The following ANGEL2 variants were observed in gnomAD, a reference collection of about 807,000 sequenced individuals.
ANGEL2 encodes the protein RNA 2',3'-cyclic phosphatase ANGEL2.
In ANGEL2, 41 loss-of-function variants were observed where a neutral mutation model predicts 66.0. That is an observed-to-expected ratio of 0.62 (90% CI 0.48 to 0.81). ANGEL2 has a LOEUF of 0.81. Among genes scored for constraint, ANGEL2 ranks in the 30% least tolerant of loss-of-function variants. ANGEL2 has a pLI of 0.00. For synonymous variants in ANGEL2, 208 were observed against 226.5 expected (o/e 0.92, Z 0.73); for missense variants, 561 against 641.6 (o/e 0.87, Z 1.36).
intron 5 of ANGEL2, chr1:213,001,488 G>A (rs2076176696): frequency 6.6e-6 from 1 of 152,500 alleles, no homozygotes; most frequent in Admixed American, 6.5e-5. Context: ...TACAGGTGGA[G>A]GATCTTGCCT....
intron 8 of ANGEL2, among the ~76,000 whole-genome samples, chr1:212,996,761 A>C (rs1325366945): frequency 1.3e-5 from 2 of 150,248 alleles, no homozygotes; most frequent in African/African-American, 4.9e-5. Flanking sequence ...CCTCCAATGA[A>C]GGCAGGACGC....
intron 2 of ANGEL2, 145 bp downstream of exon 2, chr1:213,012,948 A>G: frequency 2.7e-6 from 2 of 733,228 alleles, no homozygotes. Context: ...GGAAGAATTC[A>G]TTTTTTTCTA....
chr1:213,000,296 A>T (rs750123379), intron 7 of ANGEL2, 30 bp downstream of exon 7: 81 of 1,584,898 alleles, frequency 5.1e-5, no homozygotes, highest in Non-Finnish European at 6.9e-5. Context: ...TAAAGTTAGC[A>T]AATGTCTCCT....
At chr1:212,996,640 A>AAAAATATATAT (rs56102625) in intron 8 of ANGEL2, among the ~76,000 whole-genome samples, 1 of 66,474 alleles carries the variant, frequency 1.5e-5, no homozygotes, top group African/African-American at 6.9e-5. Context: ...AAAAAAAAAA[A>AAAAATATATAT]ATATATATAT....
At chr1:213,015,574 G>GCC in intron 1 of ANGEL2, 39 bp downstream of exon 1, 1 of 1,058,036 alleles carries the variant, frequency 9.5e-7, no homozygotes, top group Non-Finnish European at 1.2e-6. Context: ...CAGGCCGCCC[G>GCC]CCCCTCTCTC....
intron 7 of ANGEL2, among the ~76,000 whole-genome samples, chr1:212,998,131 CTG>C (rs2076075622): frequency 2.0e-5 from 3 of 151,874 alleles, no homozygotes; most frequent in African/African-American, 7.3e-5. Flanking sequence ...TGGCTCACAC[CTG>C]TAATCCCAGC....
Position 213,013,234 on chromosome 1 carries a change from AG to A in ANGEL2, c.243del (p.Cys82ValfsTer19). On this transcript the variant is annotated frameshift_variant, in exon 2 of 9. Coordinates refer to ENST00000366962, the MANE Select transcript of ANGEL2 (RefSeq NM_144567.5). LOFTEE classifies it high-confidence loss of function. Reference protein sequence around the residue: ...SRHFSLNWRPPCLFESRTQFQ... With the variant: ...SRHFSLNWRPXCLFESRTQFQ... ...AACTGAGTTCTAGACTCAAACAAACAGGGTGGTCTCCAATTTAGTGAAAAAT... is the reference window on the plus strand; with the variant it reads ...AACTGAGTTCTAGACTCAAACAAACAGGTGGTCTCCAATTTAGTGAAAAAT... 3 of 1,614,182 alleles carry A rather than the reference AG, an allele frequency of 1.9e-6. No homozygotes were observed. The highest frequency in any genetic ancestry group is 2.5e-6 in the Non-Finnish European group (3 of 1,180,024).
At chr1:213,006,805 A>G (rs1036029455) in intron 4 of ANGEL2, 3 of 267,586 alleles carry the variant, frequency 1.1e-5, no homozygotes, top group Admixed American at 1.1e-4. Flanking sequence ...CTTTGAAATT[A>G]AGTTTTTAAA....
At chr1:213,015,178 C>T (rs980588787) in intron 1 of ANGEL2, 1 of 1,020,722 alleles carries the variant, frequency 9.8e-7, no homozygotes, top group Non-Finnish European at 1.2e-6. Flanking sequence ...CCCTCCTGGG[C>T]GTGTGCCACA....
Position 213,005,222 on chromosome 1 carries a change from T to G in ANGEL2, c.945A>C (p.Pro315=). 6.2e-7 allele frequency: 1 copy of G among 1,614,244 alleles called. No homozygotes were observed. The highest frequency in any genetic ancestry group is 8.5e-7 in the Non-Finnish European group (1 of 1,180,052). The change falls in exon 5 of 9, where the codon CCA becomes CCC. Residue 315 remains proline, a synonymous_variant. Coordinates refer to ENST00000366962, the MANE Select transcript of ANGEL2 (RefSeq NM_144567.5). The part of the protein sequence containing the change: ...CVANTHLLYN[P]RRGDIKLTQL... ...GCGTCAGCTTAATATCACCTCGCCT[T>G]GGATTATACAACAGATGCGTATTTG...
intron 1 of ANGEL2, 39 bp downstream of exon 1, chr1:213,015,574 G>A (rs919151889): frequency 3.8e-6 from 4 of 1,057,994 alleles, no homozygotes; most frequent in East Asian, 9.7e-5. Context: ...CAGGCCGCCC[G>A]CCCCTCTCTC....
chr1:213,006,362 C>G (rs1020115241), intron 4 of ANGEL2, among the ~76,000 whole-genome samples: 2 of 151,062 alleles, frequency 1.3e-5, no homozygotes, highest in Admixed American at 1.3e-4. Flanking sequence ...TACTAGGGAG[C>G]CTGAGGCAGG....
rs1381652129 is a variant in ANGEL2, at chr1:213,015,620, T to C, written c.52A>G (p.Arg18Gly). 4 of 1,597,350 alleles carry C rather than the reference T, an allele frequency of 2.5e-6. No individual in the cohort carries two copies. Among genetic ancestry groups the C allele is most frequent in the Non-Finnish European group, 2.6e-6 (3 of 1,169,866 alleles). Residue 18 changes from arginine to glycine, a missense_variant, in exon 1 of 9, where the codon AGA (arginine) becomes GGA (glycine). Transcript: ENST00000366962. ...RKGYGHCVVG[R>G]GRYPMFPHHS... ...GTACCCAGCCCTACTGACCGGCCTC[T>C]TCCCACCACACAGTGGCCGTAGCCC... is the stretch of plus-strand genomic sequence containing the variant.
rs953667455 is a variant in ANGEL2 at position 213,011,448 on chromosome 1, A to G, written c.385+1645T>C. On this transcript the variant is annotated intron_variant, in intron 2 of 8. Coordinates refer to ENST00000366962, the MANE Select transcript of ANGEL2 (RefSeq NM_144567.5). The stretch of plus-strand genomic sequence containing the variant: ...TGGCTTAACGAAGAGCATTTTCCTT[A>G]TTCACAACACCTAGGAAGAATGGAC... The G allele has an allele frequency of 4.2e-5, 48 of 1,132,484 alleles. 1 individual carries two copies. In the Middle Eastern group the frequency reaches 1.6e-3, roughly 37 times the overall value. 70.2% of individuals were successfully genotyped at this position (1,132,484 alleles called of 1,614,324 possible). A position where few individuals can be genotyped will look rare whatever the true frequency, so the allele number is the denominator to read the frequency against.
Position 213,005,365 on chromosome 1 carries a change from C to A in ANGEL2, c.802G>T (p.Val268Leu). The A allele has an allele frequency of 6.2e-7, 1 of 1,614,226 alleles. No individual in the cohort carries two copies. The highest frequency in any genetic ancestry group is 8.5e-7 in the Non-Finnish European group (1 of 1,180,036). ...GGGCGGAAGAATTCCACTGGGTTCA[C>A]TGACAAGAGTGAAAATTTGGAATGT... is the stretch of plus-strand genomic sequence containing the variant. ...FKHSKFSLLS[V>L]NPVEFFRPDI... The change falls in exon 5 of 9, where the codon GTG (valine) becomes TTG (leucine). Residue 268 changes from valine (V) to leucine (L), a missense_variant. Transcript: ENST00000366962.
rs758029755 is a variant in ANGEL2 at position 212,995,150 on chromosome 1, C to T, written c.1526G>A (p.Arg509Lys). ...GTCTTGTTCTGTAAGAAGTGACAGT[C>T]TAGCTAGAAGTTTCAAGCCACCAAC... ...ALVGGLKLLA[R>K]LSLLTEQDLW... Residue 509 changes from arginine (R) to lysine (K), a missense_variant, in exon 9 of 9, where the codon AGA becomes AAA. Transcript: ENST00000366962. 3 of 1,610,544 alleles carry T rather than the reference C, an allele frequency of 1.9e-6. No homozygotes were observed. The South Asian group carries it at 3.3e-5, about 18-fold the overall frequency.
chr1:213,014,876 G>C (rs189324836), intron 1 of ANGEL2, among the ~76,000 whole-genome samples: 4 of 152,198 alleles, frequency 2.6e-5, no homozygotes, highest in Admixed American at 6.5e-5. Context: ...TACACGAGTC[G>C]GTTTCACAGA....
chr1:212,997,415 A>C (rs750422230), intron 7 of ANGEL2, 97 bp from the exon 8 acceptor site: 37 of 1,040,922 alleles, frequency 3.6e-5, no homozygotes, highest in Non-Finnish European at 5.2e-5. Context: ...CTAGACTAAG[A>C]CCAAACATTA....
chr1:213,006,236 C>T (rs377197918), intron 4 of ANGEL2, among the ~76,000 whole-genome samples: 1 of 151,932 alleles, frequency 6.6e-6, no homozygotes, highest in African/African-American at 2.4e-5. Flanking sequence ...CCAAGGCAGG[C>T]GGATCACGAG....
Sources: gnomAD v4.1 joint callset for allele counts (sites outside exome capture counted in the v4.1 genomes callset) on GRCh38, gnomAD v4.1.1 for gene constraint, MANE v1.5 for transcripts, NCBI Gene and HGNC (gene_info 2026-07-23, HGNC 2026-07-21) for gene names.